Variants in VCAN observed in about 807,000 individuals in gnomAD.
VCAN encodes versican core protein.
Under a neutral mutation model 245.5 loss-of-function variants are expected in VCAN, and 44 were observed. The observed-to-expected ratio is 0.18, with a 90% CI of 0.14 to 0.23. VCAN has a LOEUF of 0.23. VCAN is among the 10% of genes least tolerant of loss of function. VCAN has a pLI of 1.00. For missense variants in VCAN, 3,793 were observed against 4,057.9 expected (o/e 0.93, Z 1.77); for synonymous variants, 1,413 against 1,437.0 (o/e 0.98, Z 0.38).
chr5:83,525,901 CT>C (rs1234186183), intron 7 of VCAN, among the ~76,000 whole-genome samples: 1 of 151,840 alleles, frequency 6.6e-6, no homozygotes, highest in African/African-American at 2.4e-5. Flanking sequence ...CAGGAGCCAT[CT>C]GGGCAGATAC....
At chr5:83,518,167 G>A (rs571860125) in intron 6 of VCAN, among the ~76,000 whole-genome samples, 1 of 152,124 alleles carries the variant, frequency 6.6e-6, no homozygotes, top group Admixed American at 6.5e-5. Flanking sequence ...AATAACTACA[G>A]GTTTCTTCAG....
chr5:83,542,988 A>T (rs1324737662), intron 8 of VCAN, among the ~76,000 whole-genome samples: 2 of 152,184 alleles, frequency 1.3e-5, no homozygotes, highest in Non-Finnish European at 2.9e-5. Context: ...CCTGTGTGAA[A>T]GGGTAAGAGG....
rs1348059564 is a variant in VCAN, at chr5:83,528,053, A to C, written c.4003+5744A>C. Among the ~76,000 whole-genome samples, 3 of 152,228 alleles carry C rather than the reference A, an allele frequency of 2.0e-5. No homozygotes were observed. The East Asian group carries it at 5.8e-4, about 29-fold the overall frequency. On this transcript the variant is annotated intron_variant, in intron 7 of 14. Coordinates refer to ENST00000265077, the MANE Select transcript of VCAN (RefSeq NM_004385.5). The stretch of plus-strand genomic sequence containing the variant: ...GCTATAGCATGTCTAGTCGTTTGAC[A>C]GATATTAAAGGTGGTCATAAAAGAA...
Position 83,540,948 on chromosome 5 carries a change from G to T in VCAN, c.7945G>T (p.Ala2649Ser). Residue 2649 changes from alanine to serine, a missense_variant, in exon 8 of 15, where the codon GCA becomes TCA. This residue lies in a region of VCAN where 3,182 missense variants were observed against 3,250.3 expected (regional missense o/e 0.98). Transcript: ENST00000265077. Reference sequence around the variant, plus strand: ...TGATGTTCTGGCTAGCTACACTCAGGCAACACATGATGAATCAATGACTTA... The same window carrying T: ...TGATGTTCTGGCTAGCTACACTCAGTCAACACATGATGAATCAATGACTTA... The part of the protein sequence containing the change: ...SADVLASYTQ[A>S]THDESMTYED... 6.2e-7 allele frequency: 1 copy of T among 1,613,992 alleles called. No homozygotes were observed.
chr5:83,521,038 G>T lies in VCAN; in HGVS notation c.2732G>T (p.Ser911Ile), dbSNP rs777339872. 6.2e-7 allele frequency: 1 copy of T among 1,614,034 alleles called. No individual in the cohort carries two copies. The highest frequency in any genetic ancestry group is 1.1e-5 in the South Asian group (1 of 91,050). Residue 911 changes from serine to isoleucine, a missense_variant, in exon 7 of 15, where the codon AGC (serine) becomes ATC (isoleucine). Transcript: ENST00000265077. ...GAAGAAAAAGTTCCACCTATCACAAGCACTGAAGGCCAAGTTTATGCAACC... is the reference window on the plus strand; with the variant it reads ...GAAGAAAAAGTTCCACCTATCACAATCACTGAAGGCCAAGTTTATGCAACC... ...TTEEKVPPIT[S>I]TEGQVYATME... is the part of the protein sequence containing the mutation.
chr5:83,499,913 G>T (rs1745279419), intron 5 of VCAN, among the ~76,000 whole-genome samples: 1 of 152,084 alleles, frequency 6.6e-6, no homozygotes, highest in African/African-American at 2.4e-5. Context: ...AGCTCCTTTA[G>T]ATATGAAAAT....
rs1402773257 is a variant in VCAN, at chr5:83,540,984, A to G, written c.7981A>G (p.Ser2661Gly). 1 of 1,614,006 alleles carries G rather than the reference A, an allele frequency of 6.2e-7. No homozygotes were observed. The highest frequency in any genetic ancestry group is 8.5e-7 in the Non-Finnish European group (1 of 1,180,004). The change falls in exon 8 of 15, where the codon AGC becomes GGC. Residue 2661 changes from serine (S) to glycine (G), a missense_variant. Transcript: ENST00000265077. ...TGAATCAATGACTTATGAAGATAGAAGCCAACTAGATCACATGGGCTTTCA... is the reference window on the plus strand; with the variant it reads ...TGAATCAATGACTTATGAAGATAGAGGCCAACTAGATCACATGGGCTTTCA... ...HDESMTYEDRSQLDHMGFHFT... is the reference protein window; with the variant it reads ...HDESMTYEDRGQLDHMGFHFT...
At chr5:83,530,322 C>T (rs1196414609) in intron 7 of VCAN, among the ~76,000 whole-genome samples, 1 of 151,922 alleles carries the variant, frequency 6.6e-6, no homozygotes, top group Non-Finnish European at 1.5e-5. Flanking sequence ...ATGGACATTC[C>T]CTGCTGTCTT....
chr5:83,480,283 A>G (rs998404857), intron 1 of VCAN, among the ~76,000 whole-genome samples: 1 of 152,186 alleles, frequency 6.6e-6, no homozygotes, highest in Non-Finnish European at 1.5e-5. Context: ...CCTCTCCCCA[A>G]CAAAAGACAC....
chr5:83,550,651 T>C (rs888694576), intron 10 of VCAN, among the ~76,000 whole-genome samples: 2 of 151,626 alleles, frequency 1.3e-5, no homozygotes, highest in Non-Finnish European at 2.9e-5. Context: ...CTTTGGGAGG[T>C]CAAGGCGGGC....
At chr5:83,530,993 A>G (rs1746498810) in intron 7 of VCAN, among the ~76,000 whole-genome samples, 1 of 152,126 alleles carries the variant, frequency 6.6e-6, no homozygotes, top group Non-Finnish European at 1.5e-5. Flanking sequence ...TCCATTGACA[A>G]GAAGATGGAT....
chr5:83,515,467 A>G (rs543461582), intron 6 of VCAN, among the ~76,000 whole-genome samples: 3 of 152,370 alleles, frequency 2.0e-5, no homozygotes, highest in Non-Finnish European at 4.4e-5. Flanking sequence ...TTTGAATTTG[A>G]ACCCATGTTT....
chr5:83,526,039 A>C (rs1476239170), intron 7 of VCAN, among the ~76,000 whole-genome samples: 1 of 151,866 alleles, frequency 6.6e-6, no homozygotes, highest in Admixed American at 6.6e-5. Flanking sequence ...TCCTGGGTTC[A>C]AGCGATTCTC....
At chr5:83,516,037 C>T (rs1745841792) in intron 6 of VCAN, among the ~76,000 whole-genome samples, 1 of 152,174 alleles carries the variant, frequency 6.6e-6, no homozygotes, top group African/African-American at 2.4e-5. Flanking sequence ...TCGAGACCAT[C>T]CTGGCTAACA....
At chr5:83,482,950 CT>C (rs1324214020) in intron 1 of VCAN, among the ~76,000 whole-genome samples, 1 of 152,222 alleles carries the variant, frequency 6.6e-6, no homozygotes, top group Admixed American at 6.5e-5. Flanking sequence ...TACATGGAGT[CT>C]GTGCTTTAAA....
intron 8 of VCAN, among the ~76,000 whole-genome samples, chr5:83,543,092 G>A (rs1212867742): frequency 6.6e-6 from 1 of 152,166 alleles, no homozygotes; most frequent in Non-Finnish European, 1.5e-5. Context: ...CCACTCTAAA[G>A]TCCATAGTCT....
chr5:83,537,063 G>A lies in VCAN; in HGVS notation c.4060G>A (p.Asp1354Asn), dbSNP rs187434417. The change falls in exon 8 of 15, where the codon GAT (aspartate) becomes AAT (asparagine). Residue 1354 changes from aspartate (D) to asparagine (N), a missense_variant. Coordinates refer to ENST00000265077, the MANE Select transcript of VCAN (RefSeq NM_004385.5). ...GHPIDSESKE[D>N]EPCSEETDPV... ...TCCAATAGATTCAGAATCTAAAGAA[G>A]ATGAACCTTGTAGTGAAGAAACAGA... 6.2e-7 allele frequency: 1 copy of A among 1,613,018 alleles called. No homozygotes were observed. The highest frequency in any genetic ancestry group is 2.2e-5 in the East Asian group (1 of 44,846).
At chr5:83,505,997 C>G (rs1214864693) in intron 5 of VCAN, among the ~76,000 whole-genome samples, 3 of 152,184 alleles carry the variant, frequency 2.0e-5, no homozygotes, top group African/African-American at 7.2e-5. Context: ...GGCTGGGGCA[C>G]AGGGTACCAA....
chr5:83,513,612 C>G (rs560193437), intron 6 of VCAN, among the ~76,000 whole-genome samples: 1 of 152,188 alleles, frequency 6.6e-6, no homozygotes, highest in Non-Finnish European at 1.5e-5. Context: ...ACAAGCTGGT[C>G]GCTCCATAAA....
Sources: gnomAD v4.1 joint callset for allele counts (sites outside exome capture counted in the v4.1 genomes callset) on GRCh38, gnomAD v4.1.1 for gene constraint, gnomAD v4.1.1 regional missense constraint, MANE v1.5 for transcripts, NCBI Gene and HGNC (gene_info 2026-07-23, HGNC 2026-07-21) for gene names.